KDM2B: variants seen among roughly 807,000 people sequenced by gnomAD.
The protein encoded by KDM2B is lysine demethylase 2B, also known as lysine-specific demethylase 2B.
KDM2B carries 26 observed loss-of-function variants against 150.0 expected under a neutral mutation model. The observed-to-expected ratio is 0.17, with a 90% CI of 0.13 to 0.24. The LOEUF (loss-of-function observed/expected upper bound fraction) is 0.24. Among genes scored for constraint, KDM2B ranks in the 10% least tolerant of loss-of-function variants. The probability of loss-of-function intolerance (pLI) is 1.00; values close to 1 mark genes in which losing one functional copy is unlikely to be tolerated. For missense variants in KDM2B, 1,265 were observed against 1,816.9 expected (o/e 0.70, Z 5.52); for synonymous variants, 734 against 729.5 (o/e 1.01, Z -0.10).
rs1425881990 is a variant in KDM2B, at chr12:121,442,952, C to T, written c.2604+40G>A. The T allele has an allele frequency of 9.3e-6, 15 of 1,610,218 alleles. No homozygotes were observed. The highest frequency in any genetic ancestry group is 2.7e-5 in the African/African-American group (2 of 74,900). On this transcript the variant is annotated intron_variant, in intron 18 of 22. Transcript: ENST00000377071. The surrounding 1 kb of genome is among the most constrained non-coding windows in gnomAD (Gnocchi z 7.7). ...CAGGGAGCTGCGGTGCAGCTCTAAC[C>T]GCTCAGGCCTGGGGCACAGGAGGGA...
rs781805302 is a variant in KDM2B, at chr12:121,494,672, CCAAA to C, written c.1648-11_1648-8del. 2 of 1,605,548 alleles carry C rather than the reference CCAAA, an allele frequency of 1.2e-6. No individual in the cohort carries two copies. The highest frequency in any genetic ancestry group is 1.7e-5 in the Admixed American group (1 of 58,768). ...CGTGCTCCTTCAGGACGTTCTGTGGCCAAACAAAGCATCCATATTAGCCCAGGGG... is the reference window on the plus strand; with the variant it reads ...CGTGCTCCTTCAGGACGTTCTGTGGCCAAAGCATCCATATTAGCCCAGGGG... On this transcript the variant is annotated splice_region_variant and splice_polypyrimidine_tract_variant and intron_variant, in intron 11 of 22. Transcript: ENST00000377071.
intron 12 of KDM2B, among the ~76,000 whole-genome samples, chr12:121,482,948 C>G (rs1555298177): frequency 6.6e-6 from 1 of 151,526 alleles, no homozygotes. Context: ...GGCGGATCAC[C>G]TGAGGTCAGG....
rs547947681 is a variant in KDM2B at position 121,498,096 on chromosome 12, A to AAAAT, written c.1648-3435_1648-3432dup. 3.5e-3 allele frequency among the ~76,000 whole-genome samples: 526 copies of AAAAT among 152,152 alleles called. 2 individuals carry two copies. Among genetic ancestry groups the AAAAT allele is most frequent in the African/African-American group, 0.011 (447 of 41,494 alleles). ...GAGAAACAGAGTAAGACTTTGTCTC[A>AAAAT]AAATAAATAAATAAATAAATAAATA... On this transcript the variant is annotated intron_variant, in intron 11 of 22. Coordinates refer to ENST00000377071, the MANE Select transcript of KDM2B (RefSeq NM_032590.5).
At chr12:121,532,653 C>A (rs528934970) in intron 8 of KDM2B, among the ~76,000 whole-genome samples, 153 bp downstream of exon 8, 3 of 152,310 alleles carry the variant, frequency 2.0e-5, no homozygotes, top group South Asian at 4.1e-4. Flanking sequence ...GAAAACTGCA[C>A]GGCTTTTCCC....
intron 22 of KDM2B, among the ~76,000 whole-genome samples, chr12:121,434,500 C>CAAAAAA (rs1166374523): frequency 2.7e-4 from 17 of 62,102 alleles, no homozygotes; most frequent in Non-Finnish European, 3.2e-4. Flanking sequence ...GACTCTCTAT[C>CAAAAAA]AAAAAAAAAA....
At chr12:121,576,588 CTCTG>C (rs772556298) in intron 2 of KDM2B, among the ~76,000 whole-genome samples, 5 of 123,762 alleles carry the variant, frequency 4.0e-5, no homozygotes, top group African/African-American at 5.6e-5. Context: ...CAGGCTCGCT[CTCTG>C]TCTGGGGTTT....
chr12:121,498,936 C>T (rs1355287344), intron 11 of KDM2B, among the ~76,000 whole-genome samples: 1 of 151,914 alleles, frequency 6.6e-6, no homozygotes, highest in African/African-American at 2.4e-5. Context: ...CCTCAGCCTC[C>T]CAAGTAACTG....
At chr12:121,480,720 G>A (rs1269037924) in intron 12 of KDM2B, among the ~76,000 whole-genome samples, 1 of 151,706 alleles carries the variant, frequency 6.6e-6, no homozygotes, top group Non-Finnish European at 1.5e-5. Flanking sequence ...CAGTGAGCCA[G>A]TATCATGCTA....
downstream of KDM2B, among the ~76,000 whole-genome samples, chr12:121,427,320 C>G (rs185963332): frequency 3.3e-5 from 5 of 152,146 alleles, no homozygotes; most frequent in African/African-American, 1.2e-4. Context: ...AGCAGATCAC[C>G]TGAGGTCAGG....
chr12:121,487,851 G>C (rs1275568521), intron 12 of KDM2B, among the ~76,000 whole-genome samples: 1 of 148,930 alleles, frequency 6.7e-6, no homozygotes, highest in Non-Finnish European at 1.5e-5. Context: ...TCGCGATCTC[G>C]GCTCACTGCA....
chr12:121,573,248 C>T (rs1039973910), intron 4 of KDM2B, among the ~76,000 whole-genome samples: 4 of 151,692 alleles, frequency 2.6e-5, no homozygotes, highest in African/African-American at 9.7e-5. Flanking sequence ...CATGAGCCAC[C>T]GTGCTCAGCC....
chr12:121,492,454 C>T (rs997075632), intron 12 of KDM2B, among the ~76,000 whole-genome samples: 3 of 151,002 alleles, frequency 2.0e-5, no homozygotes, highest in South Asian at 2.1e-4. Context: ...ATTACAGGCG[C>T]GTGCCACCAT....
chr12:121,509,513 G>A (rs1885394828), intron 11 of KDM2B, 54 bp downstream of exon 11: 5 of 1,586,626 alleles, frequency 3.2e-6, no homozygotes, highest in Non-Finnish European at 3.4e-6. Flanking sequence ...CACACTGAAC[G>A]GGACCTGCCC....
intron 12 of KDM2B, among the ~76,000 whole-genome samples, chr12:121,486,985 AC>A (rs1882835838): frequency 1.3e-5 from 2 of 151,530 alleles, no homozygotes; most frequent in African/African-American, 4.9e-5. Flanking sequence ...CAAAAAATAA[AC>A]AAAATCAGTT....
Position 121,578,917 on chromosome 12 carries a change from CTCG to C in KDM2B, c.153_155del (p.Asp51del). On this transcript the variant is annotated inframe_deletion, in exon 2 of 23. Coordinates refer to ENST00000377071, the MANE Select transcript of KDM2B (RefSeq NM_032590.5). The stretch of plus-strand genomic sequence containing the variant: ...CCTCCACGTCCGACAAGTCCTCGTT[CTCG>C]TCGTATCGCTGGCGGTCAATCGGGC... 6.2e-7 allele frequency: 1 copy of C among 1,613,038 alleles called. No individual in the cohort carries two copies. The highest frequency in any genetic ancestry group is 8.5e-7 in the Non-Finnish European group (1 of 1,179,692).
At chr12:121,416,216 A>G in the KDM2B span, 2 of 1,614,052 alleles carry the variant, frequency 1.2e-6, no homozygotes, top group Non-Finnish European at 1.7e-6. Context: ...AGTCATGGGA[A>G]CTGGAGCTGT....
Position 121,533,794 on chromosome 12 carries a change from CAGA to C in KDM2B, c.777+700_777+702del, listed in dbSNP as rs1240058284. Among the ~76,000 whole-genome samples the C allele has an allele frequency of 1.3e-5, 2 of 152,172 alleles. No individual in the cohort carries two copies. The highest frequency in any genetic ancestry group is 4.8e-5 in the African/African-American group (2 of 41,438). ...AAGGGCTGAACTTGACCTTGCCCTC[CAGA>C]AGGAGGAGGTGGTTCTAGGGAAAGA... On this transcript the variant is annotated intron_variant, in intron 7 of 22. Transcript: ENST00000377071. This position sits in a 1 kb window ranked among gnomAD's most constrained non-coding sequence, Gnocchi z 4.1.
At chr12:121,411,746 G>C in the KDM2B span, among the ~76,000 whole-genome samples, 4 of 152,180 alleles carry the variant, frequency 2.6e-5, no homozygotes, top group East Asian at 5.8e-4. Flanking sequence ...AGAAAAAGAA[G>C]TTTTTGTCCA....
chr12:121,456,572 T>C (rs1358700417), intron 12 of KDM2B, among the ~76,000 whole-genome samples: 2 of 152,158 alleles, frequency 1.3e-5, no homozygotes, highest in Non-Finnish European at 2.9e-5. Flanking sequence ...CGAGCTTCTC[T>C]GGTAAAAAAC....
Sources: gnomAD v4.1 joint callset for allele counts (sites outside exome capture counted in the v4.1 genomes callset) on GRCh38, gnomAD v4.1.1 for gene constraint, Gnocchi (gnomAD v3.1) non-coding constraint, MANE v1.5 for transcripts, NCBI Gene and HGNC (gene_info 2026-07-23, HGNC 2026-07-21) for gene names.